The following STAT1 variants were observed in gnomAD, a reference collection of about 807,000 sequenced individuals.
STAT1 encodes the protein signal transducer and activator of transcription 1.
Under a neutral mutation model 111.7 loss-of-function variants are expected in STAT1, and 24 were observed. The ratio of observed to expected loss-of-function variants is 0.21; its 90% CI spans 0.16 to 0.30. The LOEUF is 0.30. STAT1 is among the 10% of genes least tolerant of loss of function. The pLI is 1.00. For missense variants in STAT1, 351 were observed against 911.9 expected, an observed-to-expected ratio of 0.38 and a Z score of 7.92; for synonymous variants, 332 against 326.5, an observed-to-expected ratio of 1.02 and a Z score of -0.18.
At position 190,989,719 on chromosome 2, in the gene STAT1, T is replaced by C; in HGVS notation, c.1038-45A>G. ...CCATTACTTAAAAAAAATTATCTGTTACAATTTATTTATTATGCCAATTCC... is the reference window on the plus strand; with the variant it reads ...CCATTACTTAAAAAAAATTATCTGTCACAATTTATTTATTATGCCAATTCC... On this transcript the variant is annotated intron_variant, in intron 11 of 24. Transcript: ENST00000361099. The surrounding 1 kb of genome is among the most constrained non-coding windows in gnomAD (Gnocchi z 5.0). 2 of 1,386,734 alleles carry C rather than the reference T, an allele frequency of 1.4e-6. No homozygotes were observed. The allele number at this position is 1,386,734 out of a possible 1,614,324, so 85.9% of individuals were successfully genotyped here.
chr2:190,977,803 G>A lies in STAT1; in HGVS notation c.1874-778C>T, dbSNP rs537584077. 6.6e-4 allele frequency among the ~76,000 whole-genome samples: 101 copies of A among 152,212 alleles called. No individual in the cohort carries two copies. The highest frequency in any genetic ancestry group is 2.5e-3 in the South Asian group (12 of 4,810). On this transcript the variant is annotated intron_variant, in intron 21 of 24. Coordinates refer to ENST00000361099, the MANE Select transcript of STAT1 (RefSeq NM_007315.4). The surrounding 1 kb of genome is among the most constrained non-coding windows in gnomAD (Gnocchi z 4.7). ...ATCTGTCTCTCAGCTGGTTCAGGAA[G>A]GGAACAGGATAAGAGGAAAAGGGCA...
rs1450893694 is a variant in STAT1, at chr2:190,983,611, C to T, written c.1446+31G>A. ...TGAGAGCGTGGGGTCTCTGCTTAACCCTGGGACCAAAGCAAATGTGTTTTC... is the reference window on the plus strand; with the variant it reads ...TGAGAGCGTGGGGTCTCTGCTTAACTCTGGGACCAAAGCAAATGTGTTTTC... On this transcript the variant is annotated intron_variant, in intron 17 of 24. Coordinates refer to ENST00000361099, the MANE Select transcript of STAT1 (RefSeq NM_007315.4). This position sits in a 1 kb window ranked among gnomAD's most constrained non-coding sequence, Gnocchi z 5.7. 2 of 1,598,824 alleles carry T rather than the reference C, an allele frequency of 1.3e-6. No homozygotes were observed. The highest frequency in any genetic ancestry group is 2.7e-5 in the African/African-American group (2 of 74,594).
chr2:190,986,835 A>G lies in STAT1; in HGVS notation c.1221+19T>C. ...CTAAGAAACCAGAGACAACATAGAG[A>G]GGAAACTGATGTCCCTACCAGGTGC... is the stretch of plus-strand genomic sequence containing the variant. On this transcript the variant is annotated intron_variant, in intron 14 of 24. Coordinates refer to ENST00000361099, the MANE Select transcript of STAT1 (RefSeq NM_007315.4). This position sits in a 1 kb window ranked among gnomAD's most constrained non-coding sequence, Gnocchi z 5.0. 8 of 1,609,444 alleles carry G rather than the reference A, an allele frequency of 5.0e-6. No individual in the cohort carries two copies. Among genetic ancestry groups the G allele is most frequent in the Non-Finnish European group, 6.0e-6 (7 of 1,175,680 alleles).
chr2:190,991,846 G>A (rs1693367489), intron 10 of STAT1, among the ~76,000 whole-genome samples: 2 of 151,872 alleles, frequency 1.3e-5, no homozygotes, highest in Admixed American at 1.3e-4. Flanking sequence ...GACAGAGTGA[G>A]GCCCTGTCTC....
rs1364038017 is a variant in STAT1, at chr2:191,006,265, C to T, written c.372+1298G>A. On this transcript the variant is annotated intron_variant, in intron 5 of 24. Transcript: ENST00000361099. This position sits in a 1 kb window ranked among gnomAD's most constrained non-coding sequence, Gnocchi z 4.6. ...AGGTATATGCCAGGTTAGAGACAGG[C>T]ACACCTCTTTCAGAGGAGACAACCT... is the stretch of plus-strand genomic sequence containing the variant. 1.3e-5 allele frequency among the ~76,000 whole-genome samples: 2 copies of T among 152,238 alleles called. No homozygotes were observed. Among genetic ancestry groups the T allele is most frequent in the South Asian group, 2.1e-4 (1 of 4,834 alleles).
chr2:191,005,406 A>G (rs927541581), intron 5 of STAT1, among the ~76,000 whole-genome samples: 1 of 152,218 alleles, frequency 6.6e-6, no homozygotes, highest in Non-Finnish European at 1.5e-5. Context: ...GTGGCCCCAT[A>G]AGATTAGAAT....
intron 3 of STAT1, 77 bp from the exon 4 acceptor site, chr2:191,009,184 C>T (rs1229852469): frequency 2.0e-5 from 30 of 1,502,386 alleles, no homozygotes; most frequent in Admixed American, 3.8e-5. Context: ...ATGTTGGTTT[C>T]CTTATTGAAA....
chr2:190,991,788 T>A (rs373502328), intron 10 of STAT1, among the ~76,000 whole-genome samples: 1 of 151,558 alleles, frequency 6.6e-6, no homozygotes, highest in Non-Finnish European at 1.5e-5. Flanking sequence ...GCCCAGGAGG[T>A]TGAGGCTGAA....
intron 10 of STAT1, 126 bp downstream of exon 10, chr2:190,994,925 AAAATATATAT>A (rs1381576628): frequency 6.1e-5 from 6 of 99,098 alleles, no homozygotes; most frequent in South Asian, 2.2e-4. Context: ...AAAAAAAAAA[AAAATATATAT>A]ATATATATAT....
chr2:190,972,023 T>C (rs985664652), intron 24 of STAT1, among the ~76,000 whole-genome samples: 5 of 152,010 alleles, frequency 3.3e-5, no homozygotes, highest in Admixed American at 3.3e-4. Context: ...TGGCTGATGT[T>C]TCAAATGTGT....
rs1692187310 is a variant in STAT1, at chr2:190,979,535, C to CA, written c.1727+236dup. On this transcript the variant is annotated intron_variant, in intron 20 of 24. Coordinates refer to ENST00000361099, the MANE Select transcript of STAT1 (RefSeq NM_007315.4). This position sits in a 1 kb window ranked among gnomAD's most constrained non-coding sequence, Gnocchi z 5.8. ...AGTGAATGAATGCATGAATGGCACT[C>CA]AAGAGTTGTTTTTTTTTTTTAATTT... 6.6e-6 allele frequency among the ~76,000 whole-genome samples: 1 copy of CA among 151,432 alleles called. No individual in the cohort carries two copies. The highest frequency in any genetic ancestry group is 1.5e-5 in the Non-Finnish European group (1 of 67,884).
chr2:191,003,850 A>G lies in STAT1; in HGVS notation c.373-2687T>C, dbSNP rs146588218. 6.6e-6 allele frequency among the ~76,000 whole-genome samples: 1 copy of G among 152,320 alleles called. No individual in the cohort carries two copies. The highest frequency in any genetic ancestry group is 2.4e-5 in the African/African-American group (1 of 41,572). On this transcript the variant is annotated intron_variant, in intron 5 of 24. Coordinates refer to ENST00000361099, the MANE Select transcript of STAT1 (RefSeq NM_007315.4). The surrounding 1 kb of genome is among the most constrained non-coding windows in gnomAD (Gnocchi z 4.0). ...CTGTGGGCTTTGTAACAGCTGGGAC[A>G]CTACACCTAGAGAGAGGGACCAGGC...
rs1694037566 is a variant in STAT1 at position 190,998,701 on chromosome 2, CTTG to C, written c.542-396_542-394del. Among the ~76,000 whole-genome samples, 2 of 150,572 alleles carry C rather than the reference CTTG, an allele frequency of 1.3e-5. 1 individual carries two copies. The highest frequency in any genetic ancestry group is 4.2e-4 in the South Asian group (2 of 4,780). On this transcript the variant is annotated intron_variant, in intron 7 of 24. Coordinates refer to ENST00000361099, the MANE Select transcript of STAT1 (RefSeq NM_007315.4). The surrounding 1 kb of genome is among the most constrained non-coding windows in gnomAD (Gnocchi z 4.1). ...AAAAACAAAAAAAAAACAAAAAAAACTTGTTTTCAGTGACCCATGTAAATCAGA... is the reference window on the plus strand; with the variant it reads ...AAAAACAAAAAAAAAACAAAAAAAACTTTTCAGTGACCCATGTAAATCAGA...
chr2:191,001,254 C>G, intron 5 of STAT1, 91 bp from the exon 6 acceptor site: 1 of 977,932 alleles, frequency 1.0e-6, no homozygotes, highest in Non-Finnish European at 1.7e-6. Context: ...CACTTGCCTT[C>G]CAGATCTTCT....
chr2:190,992,679 T>C, intron 10 of STAT1: 4 of 1,288,756 alleles, frequency 3.1e-6, no homozygotes, highest in South Asian at 2.1e-5. Flanking sequence ...CAGAGTGCTC[T>C]GAATTTTAAC....
At position 191,000,996 on chromosome 2, in the gene STAT1, T is replaced by C. The variant is rs1694227381; in HGVS notation, c.462+78A>G. ...AAAAGACTGAACTCAGTTACGAGGTTTACACCCCAAGCAATTGAAACCTTT... is the reference window on the plus strand; with the variant it reads ...AAAAGACTGAACTCAGTTACGAGGTCTACACCCCAAGCAATTGAAACCTTT... On this transcript the variant is annotated intron_variant, in intron 6 of 24. Coordinates refer to ENST00000361099, the MANE Select transcript of STAT1 (RefSeq NM_007315.4). This position sits in a 1 kb window ranked among gnomAD's most constrained non-coding sequence, Gnocchi z 4.8. 1 of 1,219,054 alleles carries C rather than the reference T, an allele frequency of 8.2e-7. No homozygotes were observed. Among genetic ancestry groups the C allele is most frequent in the Non-Finnish European group, 1.2e-6 (1 of 821,890 alleles). The allele number at this position is 1,219,054 out of a possible 1,614,324, so 75.5% of individuals were successfully genotyped here. A position where few individuals can be genotyped will look rare whatever the true frequency, so the allele number is the denominator to read the frequency against.
At position 190,990,168 on chromosome 2, in the gene STAT1, T is replaced by C. The variant is rs144178072; in HGVS notation, c.1038-494A>G. ...GTAGCATGGAAAGATGGAGGGCAGG[T>C]GAGAGGGTGTACCTCTGCTCCACTG... On this transcript the variant is annotated intron_variant, in intron 11 of 24. Coordinates refer to ENST00000361099, the MANE Select transcript of STAT1 (RefSeq NM_007315.4). This position sits in a 1 kb window ranked among gnomAD's most constrained non-coding sequence, Gnocchi z 5.1. Among the ~76,000 whole-genome samples the C allele has an allele frequency of 7.0e-3, 1,066 of 152,238 alleles. 14 individuals carry two copies. The highest frequency in any genetic ancestry group is 0.024 in the African/African-American group (985 of 41,552).
At position 191,007,478 on chromosome 2, in the gene STAT1, G is replaced by A; in HGVS notation, c.372+85C>T. Reference sequence around the variant, plus strand: ...TAAAATTAGAGAGATATTCATCATTGCTTTGACATGGGCCCTAATAGTATT... The same window carrying A: ...TAAAATTAGAGAGATATTCATCATTACTTTGACATGGGCCCTAATAGTATT... On this transcript the variant is annotated intron_variant, in intron 5 of 24. Coordinates refer to ENST00000361099, the MANE Select transcript of STAT1 (RefSeq NM_007315.4). This position sits in a 1 kb window ranked among gnomAD's most constrained non-coding sequence, Gnocchi z 4.2. 3 of 993,166 alleles carry A rather than the reference G, an allele frequency of 3.0e-6. 1 individual carries two copies. In the South Asian group the frequency reaches 4.0e-5, roughly 13 times the overall value. The allele number at this position is 993,166 out of a possible 1,614,324, so 61.5% of individuals were successfully genotyped here.
rs542868536 is a variant in STAT1 at position 190,986,310 on chromosome 2, T to C, written c.1221+544A>G. Among the ~76,000 whole-genome samples the C allele has an allele frequency of 6.6e-6, 1 of 152,132 alleles. No individual in the cohort carries two copies. The highest frequency in any genetic ancestry group is 1.5e-5 in the Non-Finnish European group (1 of 68,026). On this transcript the variant is annotated intron_variant, in intron 14 of 24. Coordinates refer to ENST00000361099, the MANE Select transcript of STAT1 (RefSeq NM_007315.4). This position sits in a 1 kb window ranked among gnomAD's most constrained non-coding sequence, Gnocchi z 5.0. ...GCCTCACAGCAACTGGCAGCCCCCA[T>C]GTTCACAGAGGAGGAAAGATGGTGC...
Sources: allele counts gnomAD v4.1 joint callset (sites outside exome capture counted in the v4.1 genomes callset), GRCh38; gene constraint gnomAD v4.1.1; non-coding constraint Gnocchi (gnomAD v3.1); transcripts MANE v1.5; gene names NCBI Gene and HGNC (gene_info 2026-07-23, HGNC 2026-07-21).